QKI: variants seen among roughly 807,000 people sequenced by gnomAD.
The protein encoded by QKI is KH domain-containing RNA-binding protein QKI.
A neutral mutation model predicts 39.0 loss-of-function variants in QKI; 10 were observed. The observed-to-expected ratio is 0.26, with a 90% CI of 0.16 to 0.43. The LOEUF is 0.43. Among genes scored for constraint, QKI ranks in the 20% least tolerant of loss-of-function variants. The pLI is 1.00. For synonymous variants in QKI, 204 were observed against 155.4 expected (o/e 1.31, Z -2.33); for missense variants, 218 against 428.0 (o/e 0.51, Z 4.33).
chr6:163,574,265 A>G lies in QKI; in HGVS notation c.*3555A>G, dbSNP rs138546979. The G allele has an allele frequency of 1.3e-5, 2 of 152,330 alleles. No individual in the cohort carries two copies. The highest frequency in any genetic ancestry group is 3.9e-4 in the East Asian group (2 of 5,194). 9.4% of individuals were successfully genotyped at this position (152,330 alleles called of 1,614,324 possible). The stretch of plus-strand genomic sequence containing the variant: ...TTAATTTCTGTAAATAAGTAATTTT[A>G]TGGTCACATTGTAAAGCAGAGAAAC... On this transcript the variant is annotated 3_prime_UTR_variant, in exon 8 of 8. Transcript: ENST00000361752.
intron 1 of QKI, among the ~76,000 whole-genome samples, chr6:163,448,035 C>A (rs1790279064): frequency 6.6e-6 from 1 of 152,136 alleles, no homozygotes; most frequent in African/African-American, 2.4e-5. Flanking sequence ...AGTAGAGGTT[C>A]TTTTCTATAA....
At chr6:163,558,388 CT>C (rs745784452) in intron 4 of QKI, among the ~76,000 whole-genome samples, 9 of 149,062 alleles carry the variant, frequency 6.0e-5, no homozygotes, top group Admixed American at 2.0e-4. Context: ...GTTGTCTCTT[CT>C]TTTTTTTTCT....
intron 3 of QKI, among the ~76,000 whole-genome samples, chr6:163,509,154 AGTC>A (rs1779283788): frequency 1.3e-5 from 2 of 149,416 alleles, no homozygotes; most frequent in African/African-American, 5.1e-5. Flanking sequence ...TCAGTCAATC[AGTC>A]AGTCAATCAA....
In QKI at chr6:163,537,914, G is replaced by A. The variant is rs973086516; in HGVS notation, c.546+2789G>A. On this transcript the variant is annotated intron_variant, in intron 4 of 7. Coordinates refer to ENST00000361752, the MANE Select transcript of QKI (RefSeq NM_006775.3). ...TTTTAGTGGTGCCTTCTTACTCTGAGAAAAGAATACAAAACTCCTTAGCAT... is the reference window on the plus strand; with the variant it reads ...TTTTAGTGGTGCCTTCTTACTCTGAAAAAAGAATACAAAACTCCTTAGCAT... Among the ~76,000 whole-genome samples, 4 of 152,238 alleles carry A rather than the reference G, an allele frequency of 2.6e-5. No individual in the cohort carries two copies. In the East Asian group the frequency reaches 7.7e-4, roughly 29 times the overall value.
In QKI at chr6:163,445,088, A is replaced by T. The variant is rs1428620358; in HGVS notation, c.143-10191A>T. Among the ~76,000 whole-genome samples the T allele has an allele frequency of 3.0e-4, 46 of 151,986 alleles. 1 individual carries two copies. The highest frequency in any genetic ancestry group is 8.8e-5 in the Non-Finnish European group (6 of 67,992). Reference sequence around the variant, plus strand: ...CCTGGCTAATTTTTGTGGAGATGGGATTTGCCATGTTGCCCAGGCTCACTT... The same window carrying T: ...CCTGGCTAATTTTTGTGGAGATGGGTTTTGCCATGTTGCCCAGGCTCACTT... On this transcript the variant is annotated intron_variant, in intron 1 of 7. Coordinates refer to ENST00000361752, the MANE Select transcript of QKI (RefSeq NM_006775.3).
At chr6:163,419,057 G>A (rs146478675) in intron 1 of QKI, among the ~76,000 whole-genome samples, 1 of 152,124 alleles carries the variant, frequency 6.6e-6, no homozygotes, top group African/African-American at 2.4e-5. Context: ...GAGAGCAGAT[G>A]GATTAGAATG....
chr6:163,475,077 A>G (rs1792488088), intron 2 of QKI, among the ~76,000 whole-genome samples: 1 of 152,192 alleles, frequency 6.6e-6, no homozygotes, highest in Non-Finnish European at 1.5e-5. Context: ...TGGAAATGGA[A>G]AGGGCCAGGA....
intron 2 of QKI, among the ~76,000 whole-genome samples, chr6:163,465,626 CAAAAA>C (rs35130458): frequency 3.1e-5 from 3 of 95,770 alleles, no homozygotes; most frequent in African/African-American, 7.3e-5. Context: ...AAGACTGTCT[CAAAAA>C]AAAAAAAAAA....
chr6:163,572,311 C>A lies in QKI; in HGVS notation c.*1601C>A, dbSNP rs978952382. 4 of 152,122 alleles carry A rather than the reference C, an allele frequency of 2.6e-5. No individual in the cohort carries two copies. Among genetic ancestry groups the A allele is most frequent in the Admixed American group, 2.6e-4 (4 of 15,270 alleles). 9.4% of individuals were successfully genotyped at this position (152,122 alleles called of 1,614,324 possible). A position where few individuals can be genotyped will look rare whatever the true frequency, so the allele number is the denominator to read the frequency against. On this transcript the variant is annotated 3_prime_UTR_variant, in exon 8 of 8. Transcript: ENST00000361752. ...TAATTGAATATAATAGGATACCTAGCAAATGTTTTCACAAAAGTGAATCTT... is the reference window on the plus strand; with the variant it reads ...TAATTGAATATAATAGGATACCTAGAAAATGTTTTCACAAAAGTGAATCTT...
intron 4 of QKI, among the ~76,000 whole-genome samples, chr6:163,548,002 T>A (rs1781995700): frequency 6.6e-6 from 1 of 152,188 alleles, no homozygotes; most frequent in Admixed American, 6.5e-5. Context: ...TCATTCCTCC[T>A]TTACACTTAC....
chr6:163,443,592 C>T (rs1789920156), intron 1 of QKI, among the ~76,000 whole-genome samples: 1 of 152,184 alleles, frequency 6.6e-6, no homozygotes, highest in Non-Finnish European at 1.5e-5. Flanking sequence ...AACAACTCCT[C>T]TTGGCTTTTT....
chr6:163,560,765 A>G (rs1444314555), intron 4 of QKI, among the ~76,000 whole-genome samples: 1 of 152,202 alleles, frequency 6.6e-6, no homozygotes, highest in African/African-American at 2.4e-5. Context: ...GTTGAGAAAC[A>G]TGATGAAAAT....
intron 4 of QKI, among the ~76,000 whole-genome samples, chr6:163,555,592 T>C (rs755332853): frequency 7.1e-6 from 1 of 141,576 alleles, no homozygotes; most frequent in Non-Finnish European, 1.5e-5. Context: ...ATGCTTCCAA[T>C]AGGAGCCTAA....
chr6:163,426,739 G>T (rs1010086877), intron 1 of QKI, among the ~76,000 whole-genome samples: 89 of 152,296 alleles, frequency 5.8e-4, no homozygotes, highest in African/African-American at 2.0e-3. Context: ...CGATTTTGAA[G>T]TGAGTTTCTA....
At chr6:163,517,504 G>A (rs1390835755) in intron 3 of QKI, among the ~76,000 whole-genome samples, 1 of 150,938 alleles carries the variant, frequency 6.6e-6, no homozygotes, top group Non-Finnish European at 1.5e-5. Flanking sequence ...TGAAACCTCC[G>A]TCTCCCAGGA....
chr6:163,500,914 T>C (rs1052733303), intron 3 of QKI, among the ~76,000 whole-genome samples: 4 of 152,136 alleles, frequency 2.6e-5, no homozygotes, highest in South Asian at 2.1e-4. Context: ...TTGATACTTA[T>C]GAAGTACAAA....
At chr6:163,510,040 C>A (rs1468421857) in intron 3 of QKI, among the ~76,000 whole-genome samples, 1 of 151,876 alleles carries the variant, frequency 6.6e-6, no homozygotes, top group East Asian at 1.9e-4. Flanking sequence ...TATGTTGAAA[C>A]CCCATGTCTA....
chr6:163,433,900 G>GT (rs1789037443), intron 1 of QKI, among the ~76,000 whole-genome samples: 1 of 152,052 alleles, frequency 6.6e-6, no homozygotes, highest in African/African-American at 2.4e-5. Flanking sequence ...TGAAATGAAA[G>GT]TTTCATGAAA....
Position 163,570,894 on chromosome 6 carries a change from C to CA in QKI, c.*184_*185insA. On this transcript the variant is annotated 3_prime_UTR_variant, in exon 8 of 8. Coordinates refer to ENST00000361752, the MANE Select transcript of QKI (RefSeq NM_006775.3). ...AAGAAATTGTTGTCCTCCAACTCAG[C>CA]TTTTTTTTTTTTTTTTTCCTGTTTG... 2 of 483,858 alleles carry CA rather than the reference C, an allele frequency of 4.1e-6. No homozygotes were observed. The highest frequency in any genetic ancestry group is 6.7e-6 in the Non-Finnish European group (2 of 300,376). 30.0% of individuals were successfully genotyped at this position (483,858 alleles called of 1,614,324 possible). A position where few individuals can be genotyped will look rare whatever the true frequency, so the allele number is the denominator to read the frequency against.
Sources: gnomAD v4.1 joint callset for allele counts (sites outside exome capture counted in the v4.1 genomes callset) on GRCh38, gnomAD v4.1.1 for gene constraint, MANE v1.5 for transcripts, NCBI Gene and HGNC (gene_info 2026-07-23, HGNC 2026-07-21) for gene names.